GYS2: variants seen among roughly 807,000 people sequenced by gnomAD.
GYS2 encodes glycogen [starch] synthase, liver.
A neutral mutation model predicts 85.6 loss-of-function variants in GYS2; 80 were observed. That is an observed-to-expected ratio of 0.93 (90% confidence interval 0.78 to 1.13). The LOEUF is 1.13. GYS2 is among the 50% of genes most tolerant of loss of function. The pLI, the probability that GYS2 is intolerant of heterozygous loss-of-function variation, is 0.00. For synonymous variants in GYS2, 328 were observed against 300.7 expected, an observed-to-expected ratio of 1.09 and a Z score of -0.94; for missense variants, 881 against 854.9, an observed-to-expected ratio of 1.03 and a Z score of -0.38.
intron 1 of GYS2, among the ~76,000 whole-genome samples, chr12:21,593,867 A>G (rs1944666704): frequency 6.6e-6 from 1 of 152,142 alleles, no homozygotes; most frequent in Non-Finnish European, 1.5e-5. Flanking sequence ...TCCTCAACAA[A>G]ATACTAGCAA....
At chr12:21,548,642 G>A (rs958076078) in intron 11 of GYS2, among the ~76,000 whole-genome samples, 1 of 151,922 alleles carries the variant, frequency 6.6e-6, no homozygotes, top group Non-Finnish European at 1.5e-5. Context: ...CCAGTTCTGG[G>A]CCCACACTGG....
intron 8 of GYS2, among the ~76,000 whole-genome samples, chr12:21,560,017 G>A (rs911546269): frequency 2.2e-4 from 33 of 152,086 alleles, no homozygotes; most frequent in African/African-American, 6.5e-4. Flanking sequence ...GTAACAAGAC[G>A]GGAATTCGTT....
intron 1 of GYS2, among the ~76,000 whole-genome samples, chr12:21,594,334 T>A (rs1487437967): frequency 6.6e-6 from 1 of 152,186 alleles, no homozygotes; most frequent in Non-Finnish European, 1.5e-5. Flanking sequence ...CCAGATGACA[T>A]GATTTTATAC....
rs1472847941 is a variant in GYS2, at chr12:21,550,350, CA to C, written c.1423-3881del. ...ACACACACACACACACACACACACACACCCCTGGTTTTTACTACCTTTAATT... is the reference window on the plus strand; with the variant it reads ...ACACACACACACACACACACACACACCCCCTGGTTTTTACTACCTTTAATT... On this transcript the variant is annotated intron_variant, in intron 11 of 15. Coordinates refer to ENST00000261195, the MANE Select transcript of GYS2 (RefSeq NM_021957.4). Among the ~76,000 whole-genome samples, 363 of 109,610 alleles carry C rather than the reference CA, an allele frequency of 3.3e-3. 7 individuals carry two copies. In the East Asian group the frequency reaches 0.079, roughly 24 times the overall value. The allele number at this position is 109,610 out of a possible 152,430, so 71.9% of individuals were successfully genotyped here.
intron 10 of GYS2, 123 bp downstream of exon 10, chr12:21,558,968 A>T (rs1385065730): frequency 8.0e-6 from 5 of 621,748 alleles, no homozygotes; most frequent in Non-Finnish European, 1.4e-5. Context: ...TGACTATGTA[A>T]GAATGTCTTT....
In GYS2 at chr12:21,559,102, AG is replaced by A; in HGVS notation, c.1296del (p.Ser434GlnfsTer10). Reference protein sequence around the residue: ...RDDLTIMKRAIFSTQRQSLPP... With the variant: ...RDDLTIMKRAXFSTQRQSLPP... ...TTTTTCCTTATTACCTGAGTTGAAA[AG>A]ATGGCTCTTTTCATAATTGTTAGAT... On this transcript the variant is annotated frameshift_variant, in exon 10 of 16. Coordinates refer to ENST00000261195, the MANE Select transcript of GYS2 (RefSeq NM_021957.4). LOFTEE classifies it high-confidence loss of function. 6.3e-7 allele frequency: 1 copy of A among 1,598,284 alleles called. No homozygotes were observed. Among genetic ancestry groups the A allele is most frequent in the Middle Eastern group, 1.7e-4 (1 of 5,974 alleles).
intron 1 of GYS2, among the ~76,000 whole-genome samples, chr12:21,590,869 T>G (rs1249368305): frequency 6.6e-6 from 1 of 152,128 alleles, no homozygotes; most frequent in Non-Finnish European, 1.5e-5. Flanking sequence ...CAGACACTGA[T>G]GATACTGTTG....
At chr12:21,582,502 G>T (rs1337272623) in intron 1 of GYS2, among the ~76,000 whole-genome samples, 1 of 152,048 alleles carries the variant, frequency 6.6e-6, no homozygotes, top group African/African-American at 2.4e-5. Context: ...TTCCTCAGCT[G>T]GCAGATGGCC....
intron 1 of GYS2, among the ~76,000 whole-genome samples, chr12:21,595,137 T>C (rs549645215): frequency 5.9e-5 from 9 of 152,296 alleles, no homozygotes; most frequent in South Asian, 2.1e-4. Context: ...ATCCCCAACT[T>C]CTCAGGATCT....
intron 10 of GYS2, 142 bp from the exon 11 acceptor site, chr12:21,558,455 T>C (rs1944210388): frequency 7.6e-6 from 5 of 657,256 alleles, no homozygotes; most frequent in African/African-American, 7.1e-5. Context: ...GACTAAGTCT[T>C]GTGTGTGTGT....
At chr12:21,557,488 G>A (rs1944194432) in intron 11 of GYS2, among the ~76,000 whole-genome samples, 1 of 152,192 alleles carries the variant, frequency 6.6e-6, no homozygotes, top group Non-Finnish European at 1.5e-5. Flanking sequence ...GAAACTGGAA[G>A]TTCCTCATAT....
chr12:21,575,824 T>TTG, intron 3 of GYS2, 42 bp downstream of exon 3: 2 of 1,453,182 alleles, frequency 1.4e-6, no homozygotes, highest in Non-Finnish European at 1.9e-6. Context: ...CTGAAAGCAG[T>TTG]TGTGCTGCTC....
chr12:21,560,248 A>G (rs1944236164), intron 8 of GYS2, 138 bp downstream of exon 8: 1 of 672,260 alleles, frequency 1.5e-6, no homozygotes, highest in Admixed American at 2.2e-5. Flanking sequence ...TAGCACGATG[A>G]AAAGAGAGTC....
At chr12:21,539,010 A>G (rs913165342) in intron 15 of GYS2, among the ~76,000 whole-genome samples, 1 of 152,018 alleles carries the variant, frequency 6.6e-6, no homozygotes, top group Non-Finnish European at 1.5e-5. Flanking sequence ...AATGTCCATC[A>G]GAACCATTTC....
chr12:21,581,201 C>A (rs973837700), intron 1 of GYS2, among the ~76,000 whole-genome samples: 3 of 152,168 alleles, frequency 2.0e-5, no homozygotes, highest in African/African-American at 7.2e-5. Context: ...GACCACCCTT[C>A]ATATTGTTTT....
chr12:21,539,907 C>G (rs553570063), intron 14 of GYS2, among the ~76,000 whole-genome samples: 1 of 152,322 alleles, frequency 6.6e-6, no homozygotes, highest in Non-Finnish European at 1.5e-5. Context: ...AAAGTCAATT[C>G]ATTTATTATT....
At chr12:21,561,928 C>T (rs1454505812) in intron 7 of GYS2, among the ~76,000 whole-genome samples, 2 of 152,064 alleles carry the variant, frequency 1.3e-5, no homozygotes, top group African/African-American at 2.4e-5. Flanking sequence ...TAGTACAGAA[C>T]TCAGGAAAGT....
rs1172005009 is a variant in GYS2 at position 21,550,283 on chromosome 12, C to T, written c.1423-3813G>A. On this transcript the variant is annotated intron_variant, in intron 11 of 15. Transcript: ENST00000261195. Reference sequence around the variant, plus strand: ...TGTGCTCATTGTCATTGGCCTATTACTTCCCCCAAGTGCTCTGAGTAGACA... The same window carrying T: ...TGTGCTCATTGTCATTGGCCTATTATTTCCCCCAAGTGCTCTGAGTAGACA... Among the ~76,000 whole-genome samples, 12 of 150,762 alleles carry T rather than the reference C, an allele frequency of 8.0e-5. No individual in the cohort carries two copies. In the Admixed American group the frequency reaches 8.0e-4, roughly 10 times the overall value.
chr12:21,550,728 G>A (rs1317199336), intron 11 of GYS2, among the ~76,000 whole-genome samples: 1 of 152,134 alleles, frequency 6.6e-6, no homozygotes, highest in Non-Finnish European at 1.5e-5. Context: ...ATCACCTGAG[G>A]TCAGGAGTTC....
Sources: gnomAD v4.1 joint callset for allele counts (sites outside exome capture counted in the v4.1 genomes callset) on GRCh38, gnomAD v4.1.1 for gene constraint, MANE v1.5 for transcripts, NCBI Gene and HGNC (gene_info 2026-07-23, HGNC 2026-07-21) for gene names.